The following RYR1 variants were observed in gnomAD, a reference collection of about 807,000 sequenced individuals.
The protein encoded by RYR1 is central core disease of muscle.
A neutral mutation model predicts 583.5 loss-of-function variants in RYR1; 342 were observed. The ratio of observed to expected loss-of-function variants is 0.59; its 90% CI spans 0.54 to 0.64. The LOEUF (loss-of-function observed/expected upper bound fraction) is 0.64, where lower values mean the gene tolerates loss of function less well. Ranked by LOEUF, RYR1 falls within the 30% of genes least tolerant of loss-of-function variation. The pLI is 0.00. For synonymous variants in RYR1, 2,791 were observed against 2,822.5 expected (o/e 0.99, Z 0.35); for missense variants, 6,032 against 6,917.2 (o/e 0.87, Z 4.54).
rs769923006 is a variant in RYR1, at chr19:38,492,561, T to C, written c.6199T>C (p.Leu2067=). ...TTLGSRLMSL[L]EKVRLVKKKE... is the part of the protein sequence containing the mutation. ...CCTGGGCAGCCGCCTCATGAGCCTGTTGGAGAAAGTGCGGCTGGTGAAGAA... is the reference window on the plus strand; with the variant it reads ...CCTGGGCAGCCGCCTCATGAGCCTGCTGGAGAAAGTGCGGCTGGTGAAGAA... The change falls in exon 38 of 106, where the codon TTG becomes CTG. Residue 2067 remains leucine, a synonymous_variant. Coordinates refer to ENST00000359596, the MANE Select transcript of RYR1 (RefSeq NM_000540.3). The C allele has an allele frequency of 5.0e-6, 8 of 1,613,850 alleles. No individual in the cohort carries two copies. Among genetic ancestry groups the C allele is most frequent in the Admixed American group, 1.7e-5 (1 of 59,978 alleles).
chr19:38,467,681 A>G lies in RYR1; in HGVS notation c.3250A>G (p.Ser1084Gly), dbSNP rs1968180952. Reference protein sequence around the residue: ...FRAEKSYTVQSGRWYFEFEAV... With the variant: ...FRAEKSYTVQGGRWYFEFEAV... ...GGCAGAGAAATCCTATACAGTGCAGAGCGGCCGCTGGTACTTCGAGTTTGA... is the reference window on the plus strand; with the variant it reads ...GGCAGAGAAATCCTATACAGTGCAGGGCGGCCGCTGGTACTTCGAGTTTGA... Residue 1084 changes from serine (S) to glycine (G), a missense_variant, in exon 25 of 106, where the codon AGC (serine) becomes GGC (glycine). Transcript: ENST00000359596. 1.2e-6 allele frequency: 2 copies of G among 1,614,222 alleles called. No homozygotes were observed. Among genetic ancestry groups the G allele is most frequent in the South Asian group, 2.2e-5 (2 of 91,088 alleles).
In RYR1 at chr19:38,565,893, C is replaced by G; in HGVS notation, c.13437+122C>G. 8.7e-7 allele frequency: 1 copy of G among 1,144,762 alleles called. No homozygotes were observed. The highest frequency in any genetic ancestry group is 1.1e-6 in the Non-Finnish European group (1 of 888,886). The allele number at this position is 1,144,762 out of a possible 1,614,324, so 70.9% of individuals were successfully genotyped here. Reference sequence around the variant, plus strand: ...CTGGCTAGGGGGATGGGCACACGCACCCACGGAGGACGCACCCATGGAGGA... The same window carrying G: ...CTGGCTAGGGGGATGGGCACACGCAGCCACGGAGGACGCACCCATGGAGGA... On this transcript the variant is annotated intron_variant, in intron 91 of 105. Coordinates refer to ENST00000359596, the MANE Select transcript of RYR1 (RefSeq NM_000540.3). The surrounding 1 kb of genome is among the most constrained non-coding windows in gnomAD (Gnocchi z 4.7).
At chr19:38,557,523 C>A (rs2960321) in intron 89 of RYR1, among the ~76,000 whole-genome samples, 27,861 of 152,158 alleles carry the variant, frequency 0.18, 3,354 homozygotes, top group African/African-American at 0.33. Context: ...TACCATATGA[C>A]TCAGCGAGGC....
chr19:38,506,386 C>T lies in RYR1; in HGVS notation c.8616+9C>T, dbSNP rs759260012. Reference sequence around the variant, plus strand: ...TGTCCCGGGAGCTGCAGGTGAGAGCCCTGATCCTTTTGGGGGGACATAGGG... The same window carrying T: ...TGTCCCGGGAGCTGCAGGTGAGAGCTCTGATCCTTTTGGGGGGACATAGGG... On this transcript the variant is annotated intron_variant, in intron 55 of 105. Transcript: ENST00000359596. 6.2e-7 allele frequency: 1 copy of T among 1,613,680 alleles called. No individual in the cohort carries two copies. The highest frequency in any genetic ancestry group is 8.5e-7 in the Non-Finnish European group (1 of 1,179,784).
At position 38,516,135 on chromosome 19, in the gene RYR1, G is replaced by T; in HGVS notation, c.9603G>T (p.Met3201Ile). 6.4e-7 allele frequency: 1 copy of T among 1,551,530 alleles called. No individual in the cohort carries two copies. The highest frequency in any genetic ancestry group is 8.7e-7 in the Non-Finnish European group (1 of 1,147,608). The change falls in exon 65 of 106, where the codon ATG (methionine) becomes ATT (isoleucine). Residue 3201 changes from methionine (M) to isoleucine (I), a missense_variant. Physicochemically the swap from Met to Ile is conservative, Grantham distance 10. Coordinates refer to ENST00000359596, the MANE Select transcript of RYR1 (RefSeq NM_000540.3). ...GCCTGGCCCGTCTGGCAGCAGCCAT[G>T]CCGGTGGCGTTCCTGGAGCCGCAGC... is the stretch of plus-strand genomic sequence containing the variant. ...GECLARLAAA[M>I]PVAFLEPQLN...
At chr19:38,534,692 G>A (rs1971886539) in intron 78 of RYR1, 28 bp from the exon 79 acceptor site, 2 of 1,599,734 alleles carry the variant, frequency 1.3e-6, no homozygotes, top group East Asian at 2.2e-5. Flanking sequence ...GCCTGGACTT[G>A]CCTTCATGTG....
intron 101 of RYR1, among the ~76,000 whole-genome samples, chr19:38,582,405 A>C (rs757690316): frequency 7.9e-5 from 12 of 151,824 alleles, no homozygotes; most frequent in Non-Finnish European, 1.5e-4. Context: ...CTCAAAAAAA[A>C]GGAAAAAAAA....
chr19:38,517,248 GT>G (rs1971011274), intron 65 of RYR1, 110 bp from the exon 66 acceptor site: 1 of 1,126,844 alleles, frequency 8.9e-7, no homozygotes, highest in Non-Finnish European at 1.3e-6. Context: ...TTGGGAGACT[GT>G]TTAAGGGGGG....
chr19:38,438,812 G>A (rs1568430233), intron 1 of RYR1, among the ~76,000 whole-genome samples: 1 of 151,728 alleles, frequency 6.6e-6, no homozygotes, highest in Non-Finnish European at 1.5e-5. Flanking sequence ...TAGAGACGGG[G>A]TTTCACCATG....
In RYR1 at chr19:38,441,033, G is replaced by A. The variant is rs2304146; in HGVS notation, c.165+169G>A. The stretch of plus-strand genomic sequence containing the variant: ...CTACCTGAGGTGGGGAGGGGTGGAG[G>A]TCTGAGAAGGGAGGGGCAGGGGGTC... On this transcript the variant is annotated intron_variant, in intron 2 of 105. Transcript: ENST00000359596. Among the ~76,000 whole-genome samples, 16,156 of 141,426 alleles carry A rather than the reference G, an allele frequency of 0.11. 1,267 individuals are homozygous for A. The highest frequency in any genetic ancestry group is 0.3 in the East Asian group (1,366 of 4,538). The allele number at this position is 141,426 out of a possible 152,430, so 92.8% of individuals were successfully genotyped here.
At chr19:38,559,154 A>C (rs1428349268) in intron 89 of RYR1, among the ~76,000 whole-genome samples, 1 of 152,144 alleles carries the variant, frequency 6.6e-6, no homozygotes, top group African/African-American at 2.4e-5. Flanking sequence ...CAGAGAGATC[A>C]GCAAATCACA....
intron 94 of RYR1, among the ~76,000 whole-genome samples, chr19:38,571,111 A>G (rs1157298140): frequency 6.6e-6 from 1 of 152,220 alleles, no homozygotes; most frequent in African/African-American, 2.4e-5. Flanking sequence ...GGAATGGGTT[A>G]AGAACCAGGC....
At chr19:38,455,420 C>A in intron 14 of RYR1, 31 bp from the exon 15 acceptor site, 1 of 1,613,758 alleles carries the variant, frequency 6.2e-7, no homozygotes, top group Non-Finnish European at 8.5e-7. Flanking sequence ...ATCCCCAGTC[C>A]TATTGGATCT....
chr19:38,509,177 T>C (rs917562204), intron 58 of RYR1, among the ~76,000 whole-genome samples: 1 of 152,026 alleles, frequency 6.6e-6, no homozygotes, highest in Non-Finnish European at 1.5e-5. Context: ...GTGCTGCACA[T>C]CCCCCTGACA....
intron 99 of RYR1, among the ~76,000 whole-genome samples, chr19:38,579,658 T>TC (rs1974112342): frequency 6.6e-6 from 1 of 150,948 alleles, no homozygotes; most frequent in Non-Finnish European, 1.5e-5. Context: ...AGACTGGTCT[T>TC]CAACTCCTGA....
In RYR1 at chr19:38,512,045, T is replaced by TC; in HGVS notation, c.9173-21dup. The stretch of plus-strand genomic sequence containing the variant: ...GTCCTCTGTCCTCTTAGCCATGGCA[T>TC]CCCCCCGGCCCATCTTCCTCTCCCA... On this transcript the variant is annotated intron_variant, in intron 61 of 105. Coordinates refer to ENST00000359596, the MANE Select transcript of RYR1 (RefSeq NM_000540.3). The surrounding 1 kb of genome is among the most constrained non-coding windows in gnomAD (Gnocchi z 5.1). 1.2e-6 allele frequency: 2 copies of TC among 1,610,660 alleles called. No individual in the cohort carries two copies. The highest frequency in any genetic ancestry group is 1.7e-5 in the Admixed American group (1 of 59,624).
In RYR1 at chr19:38,523,568, C is replaced by A. The variant is rs1032848061; in HGVS notation, c.10440+259C>A. The A allele has an allele frequency of 6.6e-6, 4 of 604,764 alleles. No homozygotes were observed. The East Asian group carries it at 1.1e-4, about 17-fold the overall frequency. The allele number at this position is 604,764 out of a possible 1,614,324, so 37.5% of individuals were successfully genotyped here. Reference sequence around the variant, plus strand: ...CTCTGTCTCCTTCCTCCTCCTGTATCTTCTCCCTCCTCCCATTTCCCTCCT... The same window carrying A: ...CTCTGTCTCCTTCCTCCTCCTGTATATTCTCCCTCCTCCCATTTCCCTCCT... On this transcript the variant is annotated intron_variant, in intron 69 of 105. Transcript: ENST00000359596.
At chr19:38,511,631 G>A (rs764290840) in intron 61 of RYR1, 21 bp downstream of exon 61, 29 of 1,613,146 alleles carry the variant, frequency 1.8e-5, no homozygotes, top group Middle Eastern at 1.6e-4. Flanking sequence ...CCACACCTTC[G>A]GTCTTCCTCC....
At chr19:38,532,086 T>C (rs1971762554) in intron 76 of RYR1, among the ~76,000 whole-genome samples, 1 of 151,414 alleles carries the variant, frequency 6.6e-6, no homozygotes, top group Non-Finnish European at 1.5e-5. Context: ...AGCCTGAACA[T>C]GGGGAGGGTT....
Sources: allele counts gnomAD v4.1 joint callset (sites outside exome capture counted in the v4.1 genomes callset), GRCh38; gene constraint gnomAD v4.1.1; non-coding constraint Gnocchi (gnomAD v3.1); transcripts MANE v1.5; gene names NCBI Gene and HGNC (gene_info 2026-07-23, HGNC 2026-07-21).